The following NR3C1 variants were observed in gnomAD, a reference collection of about 807,000 sequenced individuals.
The protein encoded by NR3C1 is glucocorticoid receptor.
In NR3C1, 14 loss-of-function variants were observed where a neutral mutation model predicts 74.0. The ratio of observed to expected loss-of-function variants is 0.19; its 90% confidence interval spans 0.12 to 0.30. The LOEUF (loss-of-function observed/expected upper bound fraction) is 0.30. NR3C1 is among the 10% of genes least tolerant of loss of function. The pLI is 1.00. For synonymous variants in NR3C1, 308 were observed against 332.5 expected (o/e 0.93, Z 0.80); for missense variants, 695 against 909.8 (o/e 0.76, Z 3.04).
intron 2 of NR3C1, among the ~76,000 whole-genome samples, chr5:143,349,714 G>A (rs544631917): frequency 2.6e-5 from 4 of 152,174 alleles, no homozygotes; most frequent in Non-Finnish European, 4.4e-5. Context: ...TATTTTGAGA[G>A]CTTATCATAT....
At chr5:143,319,045 T>C (rs954750767) in intron 2 of NR3C1, among the ~76,000 whole-genome samples, 2 of 152,146 alleles carry the variant, frequency 1.3e-5, no homozygotes, top group African/African-American at 2.4e-5. Flanking sequence ...ACTGTGAAAA[T>C]AGTCTGCCCT....
At chr5:143,341,419 C>G (rs1828202325) in intron 2 of NR3C1, among the ~76,000 whole-genome samples, 1 of 152,010 alleles carries the variant, frequency 6.6e-6, no homozygotes, top group African/African-American at 2.4e-5. Flanking sequence ...GTGAGAAGAG[C>G]TGAAAACAAA....
chr5:143,420,719 T>G (rs1195780852), intron 1 of NR3C1, among the ~76,000 whole-genome samples: 1 of 152,070 alleles, frequency 6.6e-6, no homozygotes, highest in Non-Finnish European at 1.5e-5. Flanking sequence ...CAACAAAGAA[T>G]TACCCGGCCC....
At chr5:143,354,788 T>G (rs1411081907) in intron 2 of NR3C1, among the ~76,000 whole-genome samples, 1 of 151,854 alleles carries the variant, frequency 6.6e-6, no homozygotes, top group African/African-American at 2.4e-5. Context: ...CCAGGCGTGG[T>G]GGCACACGCC....
chr5:143,313,913 G>A, intron 3 of NR3C1, 89 bp downstream of exon 3: 1 of 1,408,202 alleles, frequency 7.1e-7, no homozygotes, highest in Admixed American at 1.7e-5. Flanking sequence ...AGCCTTTCAT[G>A]GGCTTTGCAT....
At chr5:143,293,880 TA>T in intron 7 of NR3C1, 1 of 969,156 alleles carries the variant, frequency 1.0e-6, no homozygotes, top group Non-Finnish European at 1.2e-6. Context: ...TTTTTTTTTT[TA>T]AACAAGTAAA....
intron 2 of NR3C1, among the ~76,000 whole-genome samples, chr5:143,330,726 T>G (rs1054273043): frequency 2.0e-5 from 3 of 152,202 alleles, no homozygotes; most frequent in Non-Finnish European, 4.4e-5. Flanking sequence ...TAAAAGTCAT[T>G]ACTTAAAATT....
At chr5:143,433,424 A>ATATATATATCTAATTTATTTATTTAAAT (rs1751941446) in intron 1 of NR3C1, among the ~76,000 whole-genome samples, 1 of 135,946 alleles carries the variant, frequency 7.4e-6, no homozygotes, top group Admixed American at 7.6e-5. Flanking sequence ...TATTTAAATT[A>ATATATATATCTAATTTATTTATTTAAAT]TATATATATA....
intron 2 of NR3C1, among the ~76,000 whole-genome samples, chr5:143,327,387 G>C (rs1824849592): frequency 6.6e-6 from 1 of 152,056 alleles, no homozygotes; most frequent in East Asian, 1.9e-4. Context: ...ATTAGATTTG[G>C]GTGGGGACAC....
chr5:143,301,880 T>C (rs1326095016), intron 4 of NR3C1, among the ~76,000 whole-genome samples: 1 of 152,120 alleles, frequency 6.6e-6, no homozygotes, highest in Non-Finnish European at 1.5e-5. Context: ...TATCTCAATG[T>C]ACAATGTTAG....
rs1375683422 is a variant in NR3C1 at position 143,278,196 on chromosome 5, A to G, written c.*3693T>C. On this transcript the variant is annotated 3_prime_UTR_variant, in exon 9 of 9. Coordinates refer to ENST00000394464, the MANE Select transcript of NR3C1 (RefSeq NM_000176.3). ...ACTACAACTTTTATTTTTAAACAGG[A>G]GTCACTGGTTTTAATTTTTACACAT... The G allele has an allele frequency of 6.6e-6, 1 of 152,144 alleles. No individual in the cohort carries two copies. Among genetic ancestry groups the G allele is most frequent in the Non-Finnish European group, 1.5e-5 (1 of 67,996 alleles). The allele number at this position is 152,144 out of a possible 1,614,324, so 9.4% of individuals were successfully genotyped here.
chr5:143,394,801 T>C (rs538053669), intron 2 of NR3C1, among the ~76,000 whole-genome samples: 9 of 152,036 alleles, frequency 5.9e-5, no homozygotes, highest in African/African-American at 1.9e-4. Flanking sequence ...AGTCCTAAAT[T>C]TTTCTTTTCT....
At chr5:143,344,536 A>G (rs1224306663) in intron 2 of NR3C1, among the ~76,000 whole-genome samples, 1 of 152,192 alleles carries the variant, frequency 6.6e-6, no homozygotes, top group Non-Finnish European at 1.5e-5. Context: ...CAGGTCTTTG[A>G]ATAATGTTTT....
At chr5:143,332,918 G>C (rs577407634) in intron 2 of NR3C1, 84 of 1,540,146 alleles carry the variant, frequency 5.5e-5, no homozygotes, top group Non-Finnish European at 7.4e-5. Context: ...ATGTGACCTG[G>C]GGATTTCCAA....
chr5:143,355,257 A>T (rs1164800363), intron 2 of NR3C1, among the ~76,000 whole-genome samples: 2 of 152,200 alleles, frequency 1.3e-5, no homozygotes, highest in Non-Finnish European at 2.9e-5. Flanking sequence ...AATACCAGAA[A>T]CATTTGGAGG....
At chr5:143,410,771 TCAC>T (rs1214583613) in intron 1 of NR3C1, among the ~76,000 whole-genome samples, 1 of 152,200 alleles carries the variant, frequency 6.6e-6, no homozygotes, top group Non-Finnish European at 1.5e-5. Context: ...CACTATCACT[TCAC>T]CACAACAAAA....
intron 2 of NR3C1, among the ~76,000 whole-genome samples, chr5:143,373,709 T>TAAAATCATAAAACAAAGC (rs1834636441): frequency 6.6e-6 from 1 of 151,922 alleles, no homozygotes; most frequent in Admixed American, 6.6e-5. Context: ...AGATAGGTAG[T>TAAAATCATAAAACAAAGC]AAAATCATAA....
At chr5:143,348,717 T>G (rs1334521114) in intron 2 of NR3C1, among the ~76,000 whole-genome samples, 1 of 152,190 alleles carries the variant, frequency 6.6e-6, no homozygotes, top group African/African-American at 2.4e-5. Context: ...ACATGTATCA[T>G]AAGTTTTGAT....
At chr5:143,331,141 A>G (rs746725101) in intron 2 of NR3C1, among the ~76,000 whole-genome samples, 5 of 152,224 alleles carry the variant, frequency 3.3e-5, no homozygotes, top group Non-Finnish European at 5.9e-5. Flanking sequence ...CCCAGAAATA[A>G]GACCACACAC....
Sources: gnomAD v4.1 joint callset for allele counts (sites outside exome capture counted in the v4.1 genomes callset) on GRCh38, gnomAD v4.1.1 for gene constraint, MANE v1.5 for transcripts, NCBI Gene and HGNC (gene_info 2026-07-23, HGNC 2026-07-21) for gene names.